RPL32: variants seen among roughly 807,000 people sequenced by gnomAD.
The protein encoded by RPL32 is ribosomal protein L32.
For synonymous variants in RPL32, 61 were observed against 62.6 expected, an observed-to-expected ratio of 0.98 and a Z score of 0.12; for missense variants, 117 against 173.7, an observed-to-expected ratio of 0.67 and a Z score of 1.83.
In RPL32 at chr3:12,834,728, G is replaced by A. The variant is rs1462480607; in HGVS notation, c.*1366C>T. ...AAATGTGTCTAGTGTTCAGTATTGA[G>A]GACAAAGAAATACAAGTGGCAGGCC... On this transcript the variant is annotated 3_prime_UTR_variant, in exon 4 of 4. Transcript: ENST00000429711. 1 of 152,202 alleles carries A rather than the reference G, an allele frequency of 6.6e-6. No homozygotes were observed. The highest frequency in any genetic ancestry group is 1.9e-4 in the East Asian group (1 of 5,202). The allele number at this position is 152,202 out of a possible 1,614,324, so 9.4% of individuals were successfully genotyped here.
Position 12,839,271 on chromosome 3 carries a change from T to C in RPL32, c.278+78A>G, listed in dbSNP as rs2062125956. 7.4e-6 allele frequency: 10 copies of C among 1,358,714 alleles called. No individual in the cohort carries two copies. The Middle Eastern group carries it at 1.1e-3, about 148-fold the overall frequency. 84.2% of individuals were successfully genotyped at this position (1,358,714 alleles called of 1,614,324 possible). On this transcript the variant is annotated intron_variant, in intron 3 of 3. Coordinates refer to ENST00000429711, the MANE Select transcript of RPL32 (RefSeq NM_000994.4). ...CCCCGCCAAAATGCATCCCAAGAGT[T>C]TGTAGAGTTCCTGCCAGAAGTGCTC...
chr3:12,835,627 G>C lies in RPL32; in HGVS notation c.*467C>G, dbSNP rs2062093460. The C allele has an allele frequency of 6.2e-6, 1 of 162,024 alleles. No individual in the cohort carries two copies. Among genetic ancestry groups the C allele is most frequent in the Non-Finnish European group, 1.4e-5 (1 of 73,680 alleles). The allele number at this position is 162,024 out of a possible 1,614,324, so 10.0% of individuals were successfully genotyped here. On this transcript the variant is annotated 3_prime_UTR_variant, in exon 4 of 4. Transcript: ENST00000429711. ...ATCATCCTGTTCTTTTTGGACAGAAGTTACAGGATGCAATTTAGGCATCCC... is the reference window on the plus strand; with the variant it reads ...ATCATCCTGTTCTTTTTGGACAGAACTTACAGGATGCAATTTAGGCATCCC...
chr3:12,841,083 G>C (rs1026702693), intron 1 of RPL32: 3 of 153,652 alleles, frequency 2.0e-5, no homozygotes, highest in Non-Finnish European at 2.9e-5. Context: ...AGCAGCCCTC[G>C]GGCCAGAGAC....
At chr3:12,837,774 GTTTAC>G (rs2062110658) in intron 3 of RPL32, among the ~76,000 whole-genome samples, 1 of 152,168 alleles carries the variant, frequency 6.6e-6, no homozygotes, top group Admixed American at 6.5e-5. Context: ...GTTCTTTCTA[GTTTAC>G]TTAGGAAAAT....
chr3:12,836,232 G>C lies in RPL32; in HGVS notation c.279-9C>G. On this transcript the variant is annotated splice_polypyrimidine_tract_variant and intron_variant, in intron 3 of 3. Coordinates refer to ENST00000429711, the MANE Select transcript of RPL32 (RefSeq NM_000994.4). ...TCTCGGCACAGTAAGATCTGCAAGA[G>C]AATCAAGTAGGTAAGGAGCAAGACA... The C allele has an allele frequency of 1.3e-6, 2 of 1,599,492 alleles. No individual in the cohort carries two copies. The highest frequency in any genetic ancestry group is 1.1e-5 in the South Asian group (1 of 91,036).
chr3:12,839,807 A>C (rs1345267074), intron 2 of RPL32, among the ~76,000 whole-genome samples: 1 of 152,102 alleles, frequency 6.6e-6, no homozygotes, highest in Non-Finnish European at 1.5e-5. Flanking sequence ...TGAGATGGCA[A>C]GCACAGCTGC....
chr3:12,835,906 C>G lies in RPL32; in HGVS notation c.*188G>C, dbSNP rs1273167701. On this transcript the variant is annotated 3_prime_UTR_variant, in exon 4 of 4. Transcript: ENST00000429711. ...GTCTGTGCACTTGAGGCCACATTCC[C>G]CTGTTCAAGGACTGAGTGTCCTTTA... is the stretch of plus-strand genomic sequence containing the variant. The G allele has an allele frequency of 3.1e-6, 2 of 652,184 alleles. No homozygotes were observed. Among genetic ancestry groups the G allele is most frequent in the South Asian group, 1.9e-5 (1 of 51,792 alleles). The allele number at this position is 652,184 out of a possible 1,614,324, so 40.4% of individuals were successfully genotyped here.
At chr3:12,838,942 G>C (rs2062123373) in intron 3 of RPL32, 1 of 270,234 alleles carries the variant, frequency 3.7e-6, no homozygotes, top group Non-Finnish European at 7.1e-6. Context: ...TGTGTCACGG[G>C]CCATGGTCAA....
Position 12,840,169 on chromosome 3 carries a change from G to A in RPL32, c.69C>T (p.His23=). 6.2e-7 allele frequency: 1 copy of A among 1,613,940 alleles called. No homozygotes were observed. Among genetic ancestry groups the A allele is most frequent in the Non-Finnish European group, 8.5e-7 (1 of 1,179,850 alleles). Residue 23 remains histidine, a synonymous_variant, in exon 2 of 4, where the codon CAC becomes CAT. Transcript: ENST00000429711. ...VKKRTKKFIR[H]QSDRYVKIKR... ...TAATTTTGACATATCGGTCTGACTG[G>A]TGCCGGATGAACTTCTTGGTTCTCT...
rs766850278 is a variant in RPL32 at position 12,840,189 on chromosome 3, T to C, written c.49A>G (p.Thr17Ala). The stretch of plus-strand genomic sequence containing the variant: ...GACTGGTGCCGGATGAACTTCTTGG[T>C]TCTCTTTTTGACGATCTTGGGCTTC... ...LVKPKIVKKR[T>A]KKFIRHQSDR... is the part of the protein sequence containing the mutation. Residue 17 changes from threonine to alanine, a missense_variant, in exon 2 of 4, where the codon ACC (threonine) becomes GCC (alanine). Transcript: ENST00000429711. The C allele has an allele frequency of 3.1e-5, 50 of 1,613,956 alleles. No homozygotes were observed. The highest frequency in any genetic ancestry group is 3.6e-5 in the Non-Finnish European group (42 of 1,179,932).
intron 2 of RPL32, 52 bp downstream of exon 2, chr3:12,840,090 T>C (rs1222866303): frequency 2.0e-5 from 25 of 1,272,552 alleles, no homozygotes; most frequent in Non-Finnish European, 1.0e-5. Context: ...TCAGAAACTG[T>C]TGGAAACTCT....
chr3:12,837,470 A>G (rs1250507988), intron 3 of RPL32, among the ~76,000 whole-genome samples: 1 of 152,274 alleles, frequency 6.6e-6, no homozygotes, highest in Admixed American at 6.5e-5. Flanking sequence ...CCAACCAGCC[A>G]ACATGTGCAC....
chr3:12,837,325 G>A (rs2062107656), intron 3 of RPL32, among the ~76,000 whole-genome samples: 1 of 152,196 alleles, frequency 6.6e-6, no homozygotes. Context: ...GGTTATTGCT[G>A]CAATGACTAG....
At chr3:12,839,851 T>C (rs1402281347) in intron 2 of RPL32, among the ~76,000 whole-genome samples, 1 of 152,196 alleles carries the variant, frequency 6.6e-6, no homozygotes. Flanking sequence ...TTTTCTTGTC[T>C]ATAAAATAGG....
rs187571326 is a variant in RPL32 at position 12,840,743 on chromosome 3, C to T, written c.-5-501G>A. The T allele has an allele frequency of 3.0e-5, 10 of 330,456 alleles. No individual in the cohort carries two copies. The East Asian group carries it at 7.7e-4, about 25-fold the overall frequency. 20.5% of individuals were successfully genotyped at this position (330,456 alleles called of 1,614,324 possible). A position where few individuals can be genotyped will look rare whatever the true frequency, so the allele number is the denominator to read the frequency against. On this transcript the variant is annotated intron_variant, in intron 1 of 3. Transcript: ENST00000429711. Reference sequence around the variant, plus strand: ...TAGGGAGCTGCTGCGCTACCACACCCTCAACACACACAAAACCACCATATA... The same window carrying T: ...TAGGGAGCTGCTGCGCTACCACACCTTCAACACACACAAAACCACCATATA...
chr3:12,839,621 A>T (rs2062130503), intron 2 of RPL32, 91 bp from the exon 3 acceptor site: 1 of 1,258,252 alleles, frequency 7.9e-7, no homozygotes, highest in Non-Finnish European at 1.2e-6. Flanking sequence ...AATGAAAAGG[A>T]AGTATGCCAC....
At chr3:12,840,618 C>G (rs1384881960) in intron 1 of RPL32, 1 of 430,764 alleles carries the variant, frequency 2.3e-6, no homozygotes, top group Non-Finnish European at 4.6e-6. Flanking sequence ...CTACTTGAAC[C>G]TGAGTCTTTT....
intron 3 of RPL32, chr3:12,838,936 T>A (rs913355051): frequency 1.5e-5 from 4 of 263,156 alleles, no homozygotes; most frequent in African/African-American, 9.0e-5. Context: ...AAGGGCTGTG[T>A]CACGGGCCAT....
intron 3 of RPL32, among the ~76,000 whole-genome samples, chr3:12,838,737 C>G (rs1240908230): frequency 1.3e-5 from 2 of 152,208 alleles, no homozygotes; most frequent in Non-Finnish European, 2.9e-5. Context: ...GTAGCCAAGA[C>G]ATTCCTTTCT....
Sources: gnomAD v4.1 joint callset for allele counts (sites outside exome capture counted in the v4.1 genomes callset) on GRCh38, gnomAD v4.1.1 for gene constraint, MANE v1.5 for transcripts, NCBI Gene and HGNC (gene_info 2026-07-23, HGNC 2026-07-21) for gene names.